TAFA5: variants seen among roughly 807,000 people sequenced by gnomAD.
The protein encoded by TAFA5 is TAFA chemokine like family member 5, also known as chemokine-like protein TAFA-5.
Under a neutral mutation model 15.3 loss-of-function variants are expected in TAFA5, and 6 were observed. The ratio of observed to expected loss-of-function variants is 0.39; its 90% confidence interval spans 0.21 to 0.77. The LOEUF is 0.77. TAFA5 is among the 30% of genes least tolerant of loss of function. The pLI, the probability that TAFA5 is intolerant of heterozygous loss-of-function variation, is 0.41. For synonymous variants in TAFA5, 103 were observed against 80.7 expected (o/e 1.28, Z -1.48); for missense variants, 161 against 193.1 (o/e 0.83, Z 0.98).
intron 1 of TAFA5, among the ~76,000 whole-genome samples, chr22:48,644,069 A>C (rs140430981): frequency 1.3e-5 from 2 of 152,244 alleles, no homozygotes; most frequent in African/African-American, 2.4e-5. Flanking sequence ...GAGAAGCAGC[A>C]CCTCATCCTC....
intron 1 of TAFA5, among the ~76,000 whole-genome samples, chr22:48,629,009 G>T (rs552198387): frequency 6.6e-6 from 1 of 152,300 alleles, no homozygotes; most frequent in African/African-American, 2.4e-5. Context: ...AAAGAGGAGT[G>T]TGAGGGCCAC....
intron 3 of TAFA5, among the ~76,000 whole-genome samples, chr22:48,713,955 G>C (rs1474931315): frequency 6.6e-6 from 1 of 152,252 alleles, no homozygotes; most frequent in Non-Finnish European, 1.5e-5. Flanking sequence ...CTGCCTCAGA[G>C]CACCCCCAGC....
chr22:48,491,640 G>T lies in TAFA5; in HGVS notation c.112+1936G>T, dbSNP rs548890633. Among the ~76,000 whole-genome samples, 49 of 152,382 alleles carry T rather than the reference G, an allele frequency of 3.2e-4. No individual in the cohort carries two copies. In the South Asian group the frequency reaches 9.1e-3, roughly 28 times the overall value. On this transcript the variant is annotated intron_variant, in intron 1 of 3. Transcript: ENST00000402357. ...AGGAGCGCGGTACACACTGTCTCAA[G>T]ACACGCAGCGTCAGCCCTCTCCCAC...
At chr22:48,569,733 G>C (rs375750710) in intron 1 of TAFA5, among the ~76,000 whole-genome samples, 1 of 152,210 alleles carries the variant, frequency 6.6e-6, no homozygotes, top group Non-Finnish European at 1.5e-5. Flanking sequence ...CGTGCATCCC[G>C]GGGGGTGGCC....
chr22:48,681,488 T>C (rs7510765), intron 2 of TAFA5, among the ~76,000 whole-genome samples: 1 of 55,102 alleles, frequency 1.8e-5, no homozygotes, highest in Non-Finnish European at 4.2e-5. Context: ...ACTAAAAAAA[T>C]ACAAAAAAAA....
chr22:48,687,816 C>T (rs1386993371), intron 2 of TAFA5, among the ~76,000 whole-genome samples: 1 of 152,196 alleles, frequency 6.6e-6, no homozygotes, highest in South Asian at 2.1e-4. Context: ...GACCCACCTT[C>T]CCTGGGCTGC....
At chr22:48,741,502 C>T (rs1472204447) in intron 3 of TAFA5, among the ~76,000 whole-genome samples, 1 of 152,194 alleles carries the variant, frequency 6.6e-6, no homozygotes, top group Non-Finnish European at 1.5e-5. Flanking sequence ...TTGGACTGAA[C>T]GGCATCCCCC....
At chr22:48,607,777 A>G (rs1414817686) in intron 1 of TAFA5, among the ~76,000 whole-genome samples, 6 of 152,156 alleles carry the variant, frequency 3.9e-5, no homozygotes, top group African/African-American at 7.2e-5. Flanking sequence ...AGGCAGACCC[A>G]AAGGAGAGTG....
chr22:48,594,802 G>A (rs573780810), intron 1 of TAFA5, among the ~76,000 whole-genome samples: 6 of 152,320 alleles, frequency 3.9e-5, no homozygotes, highest in Admixed American at 2.0e-4. Flanking sequence ...AAGGACGGGC[G>A]CCCTGCCAGG....
In TAFA5 at chr22:48,639,185, G is replaced by A. The variant is rs117578749; in HGVS notation, c.113-7412G>A. Among the ~76,000 whole-genome samples the A allele has an allele frequency of 1.5e-4, 23 of 152,292 alleles. No homozygotes were observed. In the East Asian group the frequency reaches 4.1e-3, roughly 27 times the overall value. On this transcript the variant is annotated intron_variant, in intron 1 of 3. Coordinates refer to ENST00000402357, the MANE Select transcript of TAFA5 (RefSeq NM_001082967.3). ...AGCACTCCCTACGGGAACTCTGGGC[G>A]GCCCCACGGCGCCTCCTTTTCTCCC...
At chr22:48,736,642 AT>A (rs1269736095) in intron 3 of TAFA5, among the ~76,000 whole-genome samples, 1 of 152,254 alleles carries the variant, frequency 6.6e-6, no homozygotes, top group Non-Finnish European at 1.5e-5. Flanking sequence ...CATGACTGGA[AT>A]ATTATTCAGC....
intron 1 of TAFA5, among the ~76,000 whole-genome samples, chr22:48,568,445 A>C (rs1369555710): frequency 6.6e-6 from 1 of 152,206 alleles, no homozygotes; most frequent in Non-Finnish European, 1.5e-5. Context: ...TTGAGCTCAG[A>C]TGAAGATTCT....
intron 1 of TAFA5, among the ~76,000 whole-genome samples, chr22:48,612,630 C>CGTGTCTCCCTTTCCCGGA (rs1487393918): frequency 6.6e-6 from 1 of 150,660 alleles, no homozygotes; most frequent in African/African-American, 2.5e-5. Context: ...CCGTTCCCCG[C>CGTGTCTCCCTTTCCCGGA]GTGTCTCCCT....
chr22:48,630,489 C>T (rs1256326050), intron 1 of TAFA5, among the ~76,000 whole-genome samples: 2 of 152,042 alleles, frequency 1.3e-5, no homozygotes, highest in Non-Finnish European at 1.5e-5. Context: ...CGTGTGATGA[C>T]CAGGTGTGCG....
chr22:48,652,370 C>G (rs1358551760), intron 2 of TAFA5, among the ~76,000 whole-genome samples: 3 of 152,202 alleles, frequency 2.0e-5, no homozygotes, highest in Non-Finnish European at 2.9e-5. Context: ...CCCTGCCTGC[C>G]CCGTTCATCC....
intron 3 of TAFA5, among the ~76,000 whole-genome samples, chr22:48,729,012 C>T (rs559947634): frequency 2.0e-4 from 31 of 151,950 alleles, no homozygotes; most frequent in African/African-American, 6.0e-4. Context: ...GCTAGTGTAT[C>T]GATCGCTAAA....
chr22:48,637,700 G>A (rs576620671), intron 1 of TAFA5, among the ~76,000 whole-genome samples: 7 of 152,176 alleles, frequency 4.6e-5, no homozygotes, highest in Admixed American at 3.9e-4. Context: ...GTGTGTGCAC[G>A]TGTGGGGCAT....
chr22:48,648,045 G>A (rs1209736726), intron 2 of TAFA5, among the ~76,000 whole-genome samples: 3 of 152,212 alleles, frequency 2.0e-5, no homozygotes, highest in African/African-American at 7.2e-5. Flanking sequence ...CCGAGGATAT[G>A]TAGGGGTGTC....
At chr22:48,599,058 C>A (rs574235040) in intron 1 of TAFA5, among the ~76,000 whole-genome samples, 21 of 152,286 alleles carry the variant, frequency 1.4e-4, no homozygotes, top group Middle Eastern at 6.8e-3. Context: ...CTGGGCAAGC[C>A]GTCCTCCCAG....
Sources: allele counts gnomAD v4.1 joint callset (sites outside exome capture counted in the v4.1 genomes callset), GRCh38; gene constraint gnomAD v4.1.1; transcripts MANE v1.5; gene names NCBI Gene and HGNC (gene_info 2026-07-23, HGNC 2026-07-21).